LPCAT2: variants seen among roughly 807,000 people sequenced by gnomAD.
LPCAT2 encodes the protein lysophosphatidylcholine acyltransferase 2, also known as 1-AGP acyltransferase 11.
A neutral mutation model predicts 64.7 loss-of-function variants in LPCAT2; 58 were observed. The observed-to-expected ratio is 0.90, with a 90% confidence interval of 0.73 to 1.12. LPCAT2 has a LOEUF of 1.12. LPCAT2 is among the 50% of genes most tolerant of loss of function. LPCAT2 has a pLI of 0.00. For synonymous variants in LPCAT2, 252 were observed against 245.3 expected, an observed-to-expected ratio of 1.03 and a Z score of -0.26; for missense variants, 579 against 669.8, an observed-to-expected ratio of 0.86 and a Z score of 1.50.
At position 55,509,237 on chromosome 16, in the gene LPCAT2, T is replaced by A; in HGVS notation, c.56T>A (p.Val19Asp). 6.8e-7 allele frequency: 1 copy of A among 1,472,718 alleles called. No individual in the cohort carries two copies. Among genetic ancestry groups the A allele is most frequent in the Non-Finnish European group, 9.0e-7 (1 of 1,104,998 alleles). 91.2% of individuals were successfully genotyped at this position (1,472,718 alleles called of 1,614,324 possible). A position where few individuals can be genotyped will look rare whatever the true frequency, so the allele number is the denominator to read the frequency against. The change falls in exon 1 of 14, where the codon GTC becomes GAC. Residue 19 changes from valine (V) to aspartate (D), a missense_variant. By Grantham distance (152) the Val-to-Asp change is radical. Coordinates refer to ENST00000262134, the MANE Select transcript of LPCAT2 (RefSeq NM_017839.5). ...EVAATVPGAG[V>D]GNVGLRPPMV... Reference sequence around the variant, plus strand: ...GCGGCCACAGTGCCAGGTGCCGGCGTCGGGAACGTGGGGCTGCGGCCGCCC... The same window carrying A: ...GCGGCCACAGTGCCAGGTGCCGGCGACGGGAACGTGGGGCTGCGGCCGCCC...
Position 55,574,855 on chromosome 16 carries a change from CAAT to C in LPCAT2, c.1314+130_1314+132del, listed in dbSNP as rs530856667. 6.2e-4 allele frequency: 410 copies of C among 664,388 alleles called. 1 individual carries two copies. The highest frequency in any genetic ancestry group is 8.6e-4 in the Non-Finnish European group (325 of 378,274). 41.2% of individuals were successfully genotyped at this position (664,388 alleles called of 1,614,324 possible). A position where few individuals can be genotyped will look rare whatever the true frequency, so the allele number is the denominator to read the frequency against. ...TAGATCTGCTGTGACATGTACAGGA[CAAT>C]AATGTGATTAAGTCAGTTGCTACTA... On this transcript the variant is annotated intron_variant, in intron 12 of 13. Transcript: ENST00000262134.
chr16:55,521,842 A>G (rs955325274), intron 1 of LPCAT2, among the ~76,000 whole-genome samples: 1 of 151,684 alleles, frequency 6.6e-6, no homozygotes, highest in South Asian at 2.1e-4. Flanking sequence ...GATAAAGAGA[A>G]ACTCTCTCCA....
chr16:55,529,462 T>C (rs1436796382), intron 3 of LPCAT2, among the ~76,000 whole-genome samples: 5 of 152,196 alleles, frequency 3.3e-5, no homozygotes, highest in Non-Finnish European at 7.4e-5. Context: ...TTATGAGTAA[T>C]GGTTACTCCT....
chr16:55,571,279 A>T lies in LPCAT2; in HGVS notation c.1216-3352A>T, dbSNP rs575054652. On this transcript the variant is annotated intron_variant, in intron 11 of 13. Coordinates refer to ENST00000262134, the MANE Select transcript of LPCAT2 (RefSeq NM_017839.5). ...ATTTTTTCAAGAGTTTTAAGTGGAC[A>T]ATATTTGAACAAGTAGCCTAGAGCT... Among the ~76,000 whole-genome samples, 5 of 152,280 alleles carry T rather than the reference A, an allele frequency of 3.3e-5. No individual in the cohort carries two copies. The East Asian group carries it at 9.7e-4, about 29-fold the overall frequency.
intron 11 of LPCAT2, among the ~76,000 whole-genome samples, chr16:55,556,289 A>G (rs1240423449): frequency 1.3e-5 from 2 of 152,224 alleles, no homozygotes; most frequent in African/African-American, 4.8e-5. Context: ...GGGAAGGAAT[A>G]TGGCAGGGAT....
chr16:55,513,702 C>T (rs1374080928), intron 1 of LPCAT2, among the ~76,000 whole-genome samples: 11 of 152,120 alleles, frequency 7.2e-5, no homozygotes, highest in Admixed American at 7.2e-4. Flanking sequence ...CAACGGCCTA[C>T]AGTCATAATG....
chr16:55,547,853 C>T (rs927527805), intron 9 of LPCAT2, among the ~76,000 whole-genome samples: 29 of 151,968 alleles, frequency 1.9e-4, no homozygotes, highest in African/African-American at 6.5e-4. Flanking sequence ...CTGCAACCTC[C>T]GCCTCCTGGG....
intron 12 of LPCAT2, among the ~76,000 whole-genome samples, chr16:55,577,156 A>G (rs1468716110): frequency 1.3e-5 from 2 of 152,180 alleles, no homozygotes; most frequent in Non-Finnish European, 2.9e-5. Flanking sequence ...CAACTATTGT[A>G]TCCCCTAACT....
At chr16:55,515,690 G>T (rs1348490974) in intron 1 of LPCAT2, among the ~76,000 whole-genome samples, 1 of 152,110 alleles carries the variant, frequency 6.6e-6, no homozygotes, top group Non-Finnish European at 1.5e-5. Flanking sequence ...AATGTATAAA[G>T]ACATAATTTG....
chr16:55,586,268 C>T lies in LPCAT2; in HGVS notation c.*3170C>T, dbSNP rs1165257570. Reference sequence around the variant, plus strand: ...ACTGTAACTCTTGTTTCTAGGTAATCGTTCTCTCTCAACAAACTTCTCAAG... The same window carrying T: ...ACTGTAACTCTTGTTTCTAGGTAATTGTTCTCTCTCAACAAACTTCTCAAG... On this transcript the variant is annotated 3_prime_UTR_variant, in exon 14 of 14. Coordinates refer to ENST00000262134, the MANE Select transcript of LPCAT2 (RefSeq NM_017839.5). 2 of 152,092 alleles carry T rather than the reference C, an allele frequency of 1.3e-5. No homozygotes were observed. Among genetic ancestry groups the T allele is most frequent in the Non-Finnish European group, 2.9e-5 (2 of 68,016 alleles). The allele number at this position is 152,092 out of a possible 1,614,324, so 9.4% of individuals were successfully genotyped here. A position where few individuals can be genotyped will look rare whatever the true frequency, so the allele number is the denominator to read the frequency against.
intron 2 of LPCAT2, among the ~76,000 whole-genome samples, chr16:55,527,060 C>T (rs1383270045): frequency 6.6e-6 from 1 of 152,268 alleles, no homozygotes; most frequent in East Asian, 1.9e-4. Context: ...GTAGAAATCT[C>T]ATCTCTAAAC....
chr16:55,520,022 A>G (rs1240921493), intron 1 of LPCAT2, among the ~76,000 whole-genome samples: 1 of 152,220 alleles, frequency 6.6e-6, no homozygotes, highest in Non-Finnish European at 1.5e-5. Context: ...GAAAAGAAAT[A>G]GCAAAACAAT....
At position 55,567,004 on chromosome 16, in the gene LPCAT2, A is replaced by G. The variant is rs751067349; in HGVS notation, c.1216-7627A>G. On this transcript the variant is annotated intron_variant, in intron 11 of 13. Coordinates refer to ENST00000262134, the MANE Select transcript of LPCAT2 (RefSeq NM_017839.5). ...AGTGAGGAAGTTAGGCGATTTCGGCAACAATTTACACAGCTGGCTGGACCA... is the reference window on the plus strand; with the variant it reads ...AGTGAGGAAGTTAGGCGATTTCGGCGACAATTTACACAGCTGGCTGGACCA... The G allele has an allele frequency of 4.3e-6, 7 of 1,613,934 alleles. No homozygotes were observed. In the South Asian group the frequency reaches 4.4e-5, roughly 10 times the overall value.
chr16:55,516,876 T>C (rs1253439378), intron 1 of LPCAT2, among the ~76,000 whole-genome samples: 6 of 152,226 alleles, frequency 3.9e-5, no homozygotes, highest in African/African-American at 1.4e-4. Context: ...TAGGTCTGTA[T>C]GTTAGACAGT....
At position 55,531,979 on chromosome 16, in the gene LPCAT2, G is replaced by A. The variant is rs780418482; in HGVS notation, c.703+5G>A. Reference sequence around the variant, plus strand: ...GTTTGATTACTTTTAAACCAGGTGAGAAAAATTAAATTATGTATTCTAACA... The same window carrying A: ...GTTTGATTACTTTTAAACCAGGTGAAAAAAATTAAATTATGTATTCTAACA... On this transcript the variant is annotated splice_donor_5th_base_variant and intron_variant, in intron 5 of 13. Transcript: ENST00000262134. 4.5e-6 allele frequency: 7 copies of A among 1,544,162 alleles called. No individual in the cohort carries two copies. The African/African-American group carries it at 6.8e-5, about 15-fold the overall frequency.
chr16:55,557,475 G>T (rs553390539), intron 11 of LPCAT2, among the ~76,000 whole-genome samples: 1 of 152,296 alleles, frequency 6.6e-6, no homozygotes, highest in African/African-American at 2.4e-5. Context: ...GATGGGAAAG[G>T]CAAGAAATTT....
intron 4 of LPCAT2, among the ~76,000 whole-genome samples, chr16:55,531,709 C>A (rs763897589): frequency 6.6e-6 from 1 of 152,090 alleles, no homozygotes; most frequent in Non-Finnish European, 1.5e-5. Flanking sequence ...AAGCTTAAAT[C>A]CATTTTCTAA....
At chr16:55,513,015 A>G (rs1473900108) in intron 1 of LPCAT2, among the ~76,000 whole-genome samples, 2 of 152,230 alleles carry the variant, frequency 1.3e-5, no homozygotes. Context: ...AAAGGATAAC[A>G]GAATCCAGAA....
chr16:55,522,199 T>C (rs759160823), intron 1 of LPCAT2, among the ~76,000 whole-genome samples: 16 of 151,788 alleles, frequency 1.1e-4, no homozygotes, highest in Middle Eastern at 3.4e-3. Flanking sequence ...TTATATACTA[T>C]AGGAGCAAAC....
Sources: gnomAD v4.1 joint callset for allele counts (sites outside exome capture counted in the v4.1 genomes callset) on GRCh38, gnomAD v4.1.1 for gene constraint, MANE v1.5 for transcripts, NCBI Gene and HGNC (gene_info 2026-07-23, HGNC 2026-07-21) for gene names.